The following FMN2 variants were observed in gnomAD, a reference collection of about 807,000 sequenced individuals.
FMN2 encodes the protein formin-2.
A neutral mutation model predicts 142.3 loss-of-function variants in FMN2; 51 were observed. That is an observed-to-expected ratio of 0.36 (90% CI 0.29 to 0.45). The LOEUF is 0.45. Among genes scored for constraint, FMN2 ranks in the 20% least tolerant of loss-of-function variants. FMN2 has a pLI of 1.00. For missense variants in FMN2, 1,936 were observed against 2,122.8 expected (o/e 0.91, Z 1.73); for synonymous variants, 882 against 869.8 (o/e 1.01, Z -0.25).
At chr1:240,320,344 G>A (rs185261631) in intron 8 of FMN2, among the ~76,000 whole-genome samples, 2 of 152,244 alleles carry the variant, frequency 1.3e-5, no homozygotes, top group Admixed American at 6.5e-5. Context: ...GTGTAAGTGT[G>A]TAGCCACTTT....
chr1:240,461,041 T>C (rs1432567508), intron 16 of FMN2, among the ~76,000 whole-genome samples: 1 of 152,222 alleles, frequency 6.6e-6, no homozygotes, highest in Non-Finnish European at 1.5e-5. Flanking sequence ...AAGGTGCCTA[T>C]AGTTCCAACC....
In FMN2 at chr1:240,330,749, T is replaced by C; in HGVS notation, c.4584T>C (p.Ser1528=). 6.2e-7 allele frequency: 1 copy of C among 1,613,388 alleles called. No homozygotes were observed. Among genetic ancestry groups the C allele is most frequent in the Non-Finnish European group, 8.5e-7 (1 of 1,179,708 alleles). The change falls in exon 11 of 18, where the codon AGT becomes AGC. Residue 1528 remains serine (S), a splice_region_variant and synonymous_variant. Coordinates refer to ENST00000319653, the MANE Select transcript of FMN2 (RefSeq NM_020066.5). ...CAAAACTGAAAGATGTCAAGAGCAG[T>C]GTAAGTATTTTGCATGAGTGGACGT... ...ILPKLKDVKS[S]DNSRSLLSYI...
chr1:240,234,472 A>G (rs1008388952), intron 6 of FMN2, among the ~76,000 whole-genome samples: 6 of 152,226 alleles, frequency 3.9e-5, no homozygotes, highest in Admixed American at 1.3e-4. Flanking sequence ...TGAGCATTGT[A>G]TGTGAAGATG....
chr1:240,443,124 T>C (rs1234788313), intron 16 of FMN2, among the ~76,000 whole-genome samples: 2 of 152,294 alleles, frequency 1.3e-5, no homozygotes, highest in East Asian at 3.9e-4. Context: ...AAGAACATAG[T>C]CTGTAAACAC....
chr1:240,148,603 CTTTCTCTATTTAAT>C (rs937894520), intron 2 of FMN2, among the ~76,000 whole-genome samples: 1 of 152,164 alleles, frequency 6.6e-6, no homozygotes, highest in Non-Finnish European at 1.5e-5. Flanking sequence ...CTTACAAGAA[CTTTCTCTATTTAAT>C]TTTCTCTATT....
At chr1:240,447,240 A>G (rs1367721442) in intron 16 of FMN2, among the ~76,000 whole-genome samples, 1 of 152,214 alleles carries the variant, frequency 6.6e-6, no homozygotes, top group East Asian at 1.9e-4. Flanking sequence ...TTGTGAAAGC[A>G]TGTGCTGGGT....
intron 3 of FMN2, chr1:240,180,082 T>C (rs1298926403): frequency 1.3e-6 from 1 of 780,392 alleles, no homozygotes; most frequent in African/African-American, 1.8e-5. Flanking sequence ...GGTTTTTGCT[T>C]CATGATTTGA....
intron 13 of FMN2, among the ~76,000 whole-genome samples, chr1:240,346,900 AT>A (rs1210257278): frequency 1.3e-5 from 2 of 152,204 alleles, no homozygotes; most frequent in African/African-American, 4.8e-5. Context: ...GACTTTATAT[AT>A]TTGCGCATGA....
At chr1:240,176,160 T>A (rs371451193) in intron 2 of FMN2, among the ~76,000 whole-genome samples, 1 of 152,350 alleles carries the variant, frequency 6.6e-6, no homozygotes, top group African/African-American at 2.4e-5. Context: ...TTCCTGTATG[T>A]TTTCGTCTAA....
intron 5 of FMN2, among the ~76,000 whole-genome samples, chr1:240,209,766 A>T (rs371596373): frequency 8.7e-4 from 132 of 151,406 alleles, no homozygotes; most frequent in Non-Finnish European, 1.2e-3. Context: ...TAGCCGGGCG[A>T]GGTGGCGGGC....
At chr1:240,143,540 C>G (rs546816133) in intron 2 of FMN2, 9 of 1,595,944 alleles carry the variant, frequency 5.6e-6, no homozygotes, top group Non-Finnish European at 7.7e-6. Flanking sequence ...TCGCTGCAAA[C>G]GTGGAGCAGC....
intron 2 of FMN2, among the ~76,000 whole-genome samples, chr1:240,160,545 G>A (rs989630120): frequency 6.6e-6 from 1 of 150,586 alleles, no homozygotes; most frequent in African/African-American, 2.4e-5. Flanking sequence ...TATCAGAAAA[G>A]TGTTTGATAA....
At chr1:240,382,266 T>G (rs184727907) in intron 14 of FMN2, among the ~76,000 whole-genome samples, 147 of 152,162 alleles carry the variant, frequency 9.7e-4, no homozygotes, top group African/African-American at 3.3e-3. Context: ...AATATTTAAC[T>G]AAGGAAGTAA....
At chr1:240,460,752 G>A (rs9287241) in intron 16 of FMN2, among the ~76,000 whole-genome samples, 140,562 of 152,104 alleles carry the variant, frequency 0.92, 65,091 homozygotes, top group East Asian at 1. Context: ...TGAAAATCAC[G>A]TATTTATTAA....
In FMN2 at chr1:240,131,836, A is replaced by T. The variant is rs183893633; in HGVS notation, c.1782+8491A>T. On this transcript the variant is annotated intron_variant, in intron 2 of 17. Transcript: ENST00000319653. ...ATGATGCGTAGAAAGGAGACCAGGGATGTAAACAAAGACAACCTGGGGGTG... is the reference window on the plus strand; with the variant it reads ...ATGATGCGTAGAAAGGAGACCAGGGTTGTAAACAAAGACAACCTGGGGGTG... Among the ~76,000 whole-genome samples, 793 of 152,344 alleles carry T rather than the reference A, an allele frequency of 5.2e-3. 3 individuals are homozygous for T. Among genetic ancestry groups the T allele is most frequent in the South Asian group, 0.031 (151 of 4,832 alleles).
chr1:240,106,978 C>A lies in FMN2; in HGVS notation c.1615+13254C>A, dbSNP rs112447005. ...GTTTTACAGGCATGAGCCACCATGC[C>A]CGGCCTTTTCCAGGAGGATTTTTAA... is the stretch of plus-strand genomic sequence containing the variant. On this transcript the variant is annotated intron_variant, in intron 1 of 17. Transcript: ENST00000319653. 6.3e-3 allele frequency among the ~76,000 whole-genome samples: 960 copies of A among 151,838 alleles called. 8 individuals are homozygous for A. The highest frequency in any genetic ancestry group is 0.022 in the African/African-American group (917 of 41,378).
chr1:240,287,421 T>A (rs1669626947), intron 7 of FMN2, among the ~76,000 whole-genome samples: 1 of 152,212 alleles, frequency 6.6e-6, no homozygotes, highest in Non-Finnish European at 1.5e-5. Context: ...CCTTATACTC[T>A]GCCAGTGAAA....
At chr1:240,211,334 C>T in intron 6 of FMN2, 99 bp downstream of exon 6, 1 of 1,172,458 alleles carries the variant, frequency 8.5e-7, no homozygotes, top group Non-Finnish European at 1.2e-6. Flanking sequence ...GCTGTGTAAA[C>T]CTCCATGGAT....
At chr1:240,109,410 A>C (rs866786488) in intron 1 of FMN2, among the ~76,000 whole-genome samples, 1 of 152,206 alleles carries the variant, frequency 6.6e-6, no homozygotes, top group Non-Finnish European at 1.5e-5. Context: ...TACATGCACC[A>C]TCAAGGGTAT....
Sources: gnomAD v4.1 joint callset for allele counts (sites outside exome capture counted in the v4.1 genomes callset) on GRCh38, gnomAD v4.1.1 for gene constraint, MANE v1.5 for transcripts, NCBI Gene and HGNC (gene_info 2026-07-23, HGNC 2026-07-21) for gene names.